Variants in IQGAP1 observed in about 807,000 individuals in gnomAD.
IQGAP1 encodes ras GTPase-activating-like protein IQGAP1.
IQGAP1 carries 66 observed loss-of-function variants against 215.6 expected under a neutral mutation model. The ratio of observed to expected loss-of-function variants is 0.31; its 90% CI spans 0.25 to 0.38. IQGAP1 has a LOEUF of 0.38. Among genes scored for constraint, IQGAP1 ranks in the 10% least tolerant of loss-of-function variants. The pLI, the probability that IQGAP1 is intolerant of heterozygous loss-of-function variation, is 1.00. For missense variants in IQGAP1, 1,712 were observed against 1,997.1 expected (o/e 0.86, Z 2.72); for synonymous variants, 772 against 728.7 (o/e 1.06, Z -0.96).
At chr15:90,485,620 A>G (rs933775491) in intron 30 of IQGAP1, among the ~76,000 whole-genome samples, 2 of 152,026 alleles carry the variant, frequency 1.3e-5, no homozygotes. Flanking sequence ...TTGTATTTTT[A>G]GTAGAGACAG....
At chr15:90,471,018 A>G (rs1198048925) in intron 18 of IQGAP1, among the ~76,000 whole-genome samples, 1 of 151,580 alleles carries the variant, frequency 6.6e-6, no homozygotes, top group Non-Finnish European at 1.5e-5. Context: ...TCTAGCCCTT[A>G]CCCTTGTGCT....
intron 23 of IQGAP1, 73 bp downstream of exon 23, chr15:90,474,766 C>A: frequency 8.5e-7 from 1 of 1,179,246 alleles, no homozygotes; most frequent in Non-Finnish European, 1.3e-6. Context: ...CCCTTTCTGA[C>A]TGGTGGGGAG....
intron 25 of IQGAP1, 133 bp from the exon 26 acceptor site, chr15:90,477,532 C>T: frequency 4.3e-6 from 3 of 702,380 alleles, no homozygotes; most frequent in Non-Finnish European, 7.2e-6. Flanking sequence ...CGTGCAGCTG[C>T]AGGAACATTC....
chr15:90,471,793 C>A (rs1300972190), intron 18 of IQGAP1, among the ~76,000 whole-genome samples: 2 of 151,868 alleles, frequency 1.3e-5, no homozygotes, highest in Non-Finnish European at 2.9e-5. Flanking sequence ...AGCCACCACG[C>A]CTGGCCACTC....
intron 2 of IQGAP1, among the ~76,000 whole-genome samples, chr15:90,402,504 C>T (rs769904148): frequency 2.6e-5 from 4 of 152,284 alleles, no homozygotes; most frequent in African/African-American, 9.6e-5. Context: ...CAGCTGCCAG[C>T]CTAGGGCTTG....
intron 15 of IQGAP1, among the ~76,000 whole-genome samples, chr15:90,462,963 CT>C (rs1408778734): frequency 6.6e-6 from 1 of 152,146 alleles, no homozygotes; most frequent in African/African-American, 2.4e-5. Context: ...TTTAGGTAAT[CT>C]CTTTAAAACA....
chr15:90,497,128 C>G (rs1966284116), intron 36 of IQGAP1, 104 bp from the exon 37 acceptor site: 2 of 646,682 alleles, frequency 3.1e-6, no homozygotes, highest in African/African-American at 3.7e-5. Flanking sequence ...TTTCTGCAGC[C>G]CTTTTCACTC....
intron 2 of IQGAP1, among the ~76,000 whole-genome samples, chr15:90,396,642 T>A (rs1476506155): frequency 6.6e-6 from 1 of 152,134 alleles, no homozygotes; most frequent in African/African-American, 2.4e-5. Flanking sequence ...AGAATAAACC[T>A]CCATTCTTTT....
intron 2 of IQGAP1, chr15:90,397,866 T>TTTTTCTTTTC (rs59170150): frequency 0.35 from 46,280 of 132,462 alleles, 8,741 homozygotes; most frequent in East Asian, 0.63. Context: ...TATCCTGAAT[T>TTTTTCTTTTC]TTTTCTTTTC....
At chr15:90,492,845 C>G in intron 35 of IQGAP1, 134 bp downstream of exon 35, 1 of 689,752 alleles carries the variant, frequency 1.4e-6, no homozygotes, top group Admixed American at 3.1e-5. Context: ...TTTATTTTAC[C>G]TCTAATCATT....
At chr15:90,390,051 G>T (rs1442258723) in intron 1 of IQGAP1, among the ~76,000 whole-genome samples, 1 of 152,176 alleles carries the variant, frequency 6.6e-6, no homozygotes, top group Non-Finnish European at 1.5e-5. Context: ...GAGGGATACT[G>T]TGTTGGGAAC....
rs144510133 is a variant in IQGAP1, at chr15:90,395,522, G to A, written c.155+4649G>A. 2.2e-3 allele frequency among the ~76,000 whole-genome samples: 340 copies of A among 152,162 alleles called. 1 individual carries two copies. The highest frequency in any genetic ancestry group is 0.011 in the East Asian group (55 of 5,150). On this transcript the variant is annotated intron_variant, in intron 2 of 37. Coordinates refer to ENST00000268182, the MANE Select transcript of IQGAP1 (RefSeq NM_003870.4). ...TTTTTAGTAGAGACGGGGTTTCACC[G>A]TGTTAGCCAGGATAGTCTTGATCTC...
At chr15:90,403,331 A>T (rs1801270981) in intron 2 of IQGAP1, among the ~76,000 whole-genome samples, 1 of 152,222 alleles carries the variant, frequency 6.6e-6, no homozygotes, top group South Asian at 2.1e-4. Context: ...GTAGTGTTTG[A>T]CAATGGCTTG....
chr15:90,482,407 C>A, intron 28 of IQGAP1, 126 bp downstream of exon 28: 1 of 835,100 alleles, frequency 1.2e-6, no homozygotes, highest in Non-Finnish European at 2.0e-6. Context: ...TGATTGTGAG[C>A]TTTTGAAAGC....
At position 90,500,203 on chromosome 15, in the gene IQGAP1, GC is replaced by G. The variant is rs1392602438; in HGVS notation, c.*97del. 1.2e-5 allele frequency: 8 copies of G among 690,570 alleles called. No homozygotes were observed. Among genetic ancestry groups the G allele is most frequent in the Non-Finnish European group, 2.1e-5 (8 of 382,610 alleles). The allele number at this position is 690,570 out of a possible 1,614,324, so 42.8% of individuals were successfully genotyped here. Reference sequence around the variant, plus strand: ...TTTCCTCATTGGAAGCAAAGACCTAGCCAACAACAGCACCTCAATCTGATAC... The same window carrying G: ...TTTCCTCATTGGAAGCAAAGACCTAGCAACAACAGCACCTCAATCTGATAC... On this transcript the variant is annotated 3_prime_UTR_variant, in exon 38 of 38. Transcript: ENST00000268182.
chr15:90,455,002 C>G (rs1309561184), intron 14 of IQGAP1, among the ~76,000 whole-genome samples: 4 of 152,140 alleles, frequency 2.6e-5, no homozygotes, highest in Non-Finnish European at 4.4e-5. Context: ...TAGAATGACT[C>G]ACAGAACTCA....
chr15:90,433,663 T>C, intron 4 of IQGAP1, 56 bp from the exon 5 acceptor site: 2 of 1,013,544 alleles, frequency 2.0e-6, no homozygotes, highest in East Asian at 2.4e-5. Context: ...GATTGGTGAA[T>C]GTCAGATGAA....
intron 36 of IQGAP1, among the ~76,000 whole-genome samples, chr15:90,496,240 G>GC (rs572433016): frequency 1.3e-5 from 2 of 149,858 alleles, no homozygotes; most frequent in Non-Finnish European, 3.0e-5. Context: ...AGGTAAGGCA[G>GC]CTCCATAGTT....
At chr15:90,413,564 C>T (rs1474932080) in intron 2 of IQGAP1, among the ~76,000 whole-genome samples, 2 of 152,098 alleles carry the variant, frequency 1.3e-5, no homozygotes, top group Non-Finnish European at 2.9e-5. Context: ...GCAAGGGTTG[C>T]ACAGGGAGTT....
Sources: allele counts gnomAD v4.1 joint callset (sites outside exome capture counted in the v4.1 genomes callset), GRCh38; gene constraint gnomAD v4.1.1; transcripts MANE v1.5; gene names NCBI Gene and HGNC (gene_info 2026-07-23, HGNC 2026-07-21).